The following SPINT2 variants were observed in gnomAD, a reference collection of about 807,000 sequenced individuals.
The protein encoded by SPINT2 is kunitz-type protease inhibitor 2.
In SPINT2, 18 loss-of-function variants were observed where a neutral mutation model predicts 30.1. The ratio of observed to expected loss-of-function variants is 0.60; its 90% CI spans 0.41 to 0.89. The LOEUF (loss-of-function observed/expected upper bound fraction) is 0.89, where lower values mean the gene tolerates loss of function less well. Among genes scored for constraint, SPINT2 ranks in the 40% least tolerant of loss-of-function variants. The pLI, the probability that SPINT2 is intolerant of heterozygous loss-of-function variation, is 0.00. For synonymous variants in SPINT2, 139 were observed against 137.9 expected, an observed-to-expected ratio of 1.01 and a Z score of -0.05; for missense variants, 276 against 334.3, an observed-to-expected ratio of 0.83 and a Z score of 1.36.
At chr19:38,271,093 C>T (rs3786878) in intron 1 of SPINT2, among the ~76,000 whole-genome samples, 60,203 of 152,036 alleles carry the variant, frequency 0.4, 12,660 homozygotes, top group East Asian at 0.64. Flanking sequence ...GTTTATTTAC[C>T]TTTTTTTGTT....
chr19:38,276,078 G>C (rs1462169264), intron 1 of SPINT2, among the ~76,000 whole-genome samples: 2 of 152,164 alleles, frequency 1.3e-5, no homozygotes, highest in Admixed American at 1.3e-4. Context: ...CACTGATTAT[G>C]AGATTGCTTT....
intron 2 of SPINT2, among the ~76,000 whole-genome samples, chr19:38,284,344 C>T (rs1968617423): frequency 6.6e-6 from 1 of 152,226 alleles, no homozygotes; most frequent in African/African-American, 2.4e-5. Flanking sequence ...ATCCTCCCAC[C>T]TGGGCCTTCC....
At chr19:38,291,795 A>G (rs1403172904) in intron 6 of SPINT2, 45 bp from the exon 7 acceptor site, 3 of 1,602,442 alleles carry the variant, frequency 1.9e-6, no homozygotes. Context: ...TCTGGCTGCA[A>G]CTCCCCTTGC....
At position 38,271,488 on chromosome 19, in the gene SPINT2, T is replaced by A. The variant is rs1726331991; in HGVS notation, c.106+6490T>A. ...GCCTGGGCAACAGAGCAAGACTCTC[T>A]CAAAAAAAAAAAAAATGTTATGCTA... On this transcript the variant is annotated intron_variant, in intron 1 of 6. Coordinates refer to ENST00000301244, the MANE Select transcript of SPINT2 (RefSeq NM_021102.4). Among the ~76,000 whole-genome samples, 7 of 145,294 alleles carry A rather than the reference T, an allele frequency of 4.8e-5. No individual in the cohort carries two copies. The South Asian group carries it at 1.3e-3, about 27-fold the overall frequency.
At chr19:38,285,373 G>A (rs868266775) in intron 2 of SPINT2, among the ~76,000 whole-genome samples, 3 of 151,914 alleles carry the variant, frequency 2.0e-5, no homozygotes, top group East Asian at 1.9e-4. Context: ...TTTTTTTCTC[G>A]CTTAGTCGCC....
chr19:38,280,722 C>T lies in SPINT2; in HGVS notation c.107-2905C>T, dbSNP rs565891889. On this transcript the variant is annotated intron_variant, in intron 1 of 6. Coordinates refer to ENST00000301244, the MANE Select transcript of SPINT2 (RefSeq NM_021102.4). ...AAGTTACCGAATTCCTGCCATGATACTGTGGGTCACCCTGCTTCATTCTCA... is the reference window on the plus strand; with the variant it reads ...AAGTTACCGAATTCCTGCCATGATATTGTGGGTCACCCTGCTTCATTCTCA... Among the ~76,000 whole-genome samples, 8 of 147,808 alleles carry T rather than the reference C, an allele frequency of 5.4e-5. No individual in the cohort carries two copies. In the South Asian group the frequency reaches 1.7e-3, roughly 32 times the overall value.
intron 2 of SPINT2, among the ~76,000 whole-genome samples, chr19:38,286,740 G>T (rs536605250): frequency 2.6e-5 from 4 of 152,158 alleles, no homozygotes; most frequent in South Asian, 2.1e-4. Flanking sequence ...CTGAGATCGC[G>T]CCAGAGCACT....
At position 38,290,858 on chromosome 19, in the gene SPINT2, G is replaced by T; in HGVS notation, c.592+283G>T. 1 of 536,364 alleles carries T rather than the reference G, an allele frequency of 1.9e-6. No individual in the cohort carries two copies. The allele number at this position is 536,364 out of a possible 1,614,324, so 33.2% of individuals were successfully genotyped here. ...GAGCATTTGAGGACTGCTGCACACG[G>T]GCCTGAGGCTGGCCTGAGGTGTGGA... is the stretch of plus-strand genomic sequence containing the variant. On this transcript the variant is annotated intron_variant, in intron 6 of 6. Transcript: ENST00000301244. This position sits in a 1 kb window ranked among gnomAD's most constrained non-coding sequence, Gnocchi z 4.3.
intron 1 of SPINT2, among the ~76,000 whole-genome samples, chr19:38,273,154 C>T (rs1413923851): frequency 6.6e-6 from 1 of 152,014 alleles, no homozygotes; most frequent in Non-Finnish European, 1.5e-5. Context: ...CTCATAAATA[C>T]CTGAGGTTTT....
Position 38,290,700 on chromosome 19 carries a change from T to C in SPINT2, c.592+125T>C, listed in dbSNP as rs373008949. Reference sequence around the variant, plus strand: ...TGAACATCATCTTGGCAGAAAGTCATGTTTCTGCGTGAGAATGGCGAGGTG... The same window carrying C: ...TGAACATCATCTTGGCAGAAAGTCACGTTTCTGCGTGAGAATGGCGAGGTG... On this transcript the variant is annotated intron_variant, in intron 6 of 6. Transcript: ENST00000301244. This position sits in a 1 kb window ranked among gnomAD's most constrained non-coding sequence, Gnocchi z 4.3. 30 of 1,291,716 alleles carry C rather than the reference T, an allele frequency of 2.3e-5. No homozygotes were observed. Among genetic ancestry groups the C allele is most frequent in the South Asian group, 3.8e-5 (3 of 79,008 alleles). 80.0% of individuals were successfully genotyped at this position (1,291,716 alleles called of 1,614,324 possible). A position where few individuals can be genotyped will look rare whatever the true frequency, so the allele number is the denominator to read the frequency against.
At chr19:38,274,818 A>G (rs1968497014) in intron 1 of SPINT2, among the ~76,000 whole-genome samples, 1 of 151,882 alleles carries the variant, frequency 6.6e-6, no homozygotes. Flanking sequence ...GTCTTAAAAA[A>G]AAAAAAAAAC....
chr19:38,289,064 T>C (rs187841263), intron 3 of SPINT2, 74 bp from the exon 4 acceptor site: 1 of 1,433,640 alleles, frequency 7.0e-7, no homozygotes, highest in African/African-American at 1.4e-5. Flanking sequence ...AGTGGGCCCT[T>C]CCAGACCCAG....
rs765614036 is a variant in SPINT2, at chr19:38,292,326, C to A, written c.*320C>A. The A allele has an allele frequency of 4.6e-6, 1 of 215,660 alleles. No individual in the cohort carries two copies. Among genetic ancestry groups the A allele is most frequent in the Non-Finnish European group, 9.3e-6 (1 of 107,680 alleles). The allele number at this position is 215,660 out of a possible 1,614,324, so 13.4% of individuals were successfully genotyped here. A position where few individuals can be genotyped will look rare whatever the true frequency, so the allele number is the denominator to read the frequency against. ...CTCATCACAGAAGTGATGTTGGAATCGTTTCTTTTGTTTGTCTGATTTATG... is the reference window on the plus strand; with the variant it reads ...CTCATCACAGAAGTGATGTTGGAATAGTTTCTTTTGTTTGTCTGATTTATG... On this transcript the variant is annotated 3_prime_UTR_variant, in exon 7 of 7. Coordinates refer to ENST00000301244, the MANE Select transcript of SPINT2 (RefSeq NM_021102.4).
chr19:38,268,258 C>G (rs1243920944), intron 1 of SPINT2, among the ~76,000 whole-genome samples: 1 of 152,010 alleles, frequency 6.6e-6, no homozygotes, highest in Admixed American at 6.6e-5. Flanking sequence ...TGTCCTGACT[C>G]CAACCTCTGC....
intron 1 of SPINT2, among the ~76,000 whole-genome samples, chr19:38,269,633 G>A (rs1968425532): frequency 7.2e-6 from 1 of 137,972 alleles, no homozygotes; most frequent in East Asian, 2.2e-4. Context: ...TTTTGAGACG[G>A]AGTGTCTCGC....
At chr19:38,278,812 A>G (rs1968547859) in intron 1 of SPINT2, among the ~76,000 whole-genome samples, 1 of 152,122 alleles carries the variant, frequency 6.6e-6, no homozygotes, top group African/African-American at 2.4e-5. Flanking sequence ...AAAATAAATA[A>G]ATACAAGGTT....
chr19:38,280,380 C>T (rs1968567035), intron 1 of SPINT2, among the ~76,000 whole-genome samples: 1 of 152,194 alleles, frequency 6.6e-6, no homozygotes, highest in East Asian at 1.9e-4. Context: ...TTGATGCTTG[C>T]TTTCCAAGGT....
At chr19:38,283,868 G>C in intron 2 of SPINT2, 71 bp downstream of exon 2, 1 of 1,421,720 alleles carries the variant, frequency 7.0e-7, no homozygotes, top group Non-Finnish European at 9.3e-7. Flanking sequence ...TTGAGACGGA[G>C]TCTTGCTCTG....
At chr19:38,270,566 G>A (rs993418123) in intron 1 of SPINT2, among the ~76,000 whole-genome samples, 4 of 152,154 alleles carry the variant, frequency 2.6e-5, no homozygotes, top group Admixed American at 1.3e-4. Flanking sequence ...CTGAAAATGG[G>A]GGCTTCTGAG....
Sources: allele counts gnomAD v4.1 joint callset (sites outside exome capture counted in the v4.1 genomes callset), GRCh38; gene constraint gnomAD v4.1.1; non-coding constraint Gnocchi (gnomAD v3.1); transcripts MANE v1.5; gene names NCBI Gene and HGNC (gene_info 2026-07-23, HGNC 2026-07-21).